THSD7B: variants seen among roughly 807,000 people sequenced by gnomAD.
The protein encoded by THSD7B is thrombospondin type-1 domain-containing protein 7B.
In THSD7B, 138 loss-of-function variants were observed where a neutral mutation model predicts 213.6. The observed-to-expected ratio is 0.65, with a 90% CI of 0.56 to 0.74. The LOEUF is 0.74. Ranked by LOEUF, THSD7B falls within the 30% of genes least tolerant of loss-of-function variation. The pLI is 0.00. For missense variants in THSD7B, 1,931 were observed against 1,991.5 expected, an observed-to-expected ratio of 0.97 and a Z score of 0.58; for synonymous variants, 742 against 687.0, an observed-to-expected ratio of 1.08 and a Z score of -1.25.
At chr2:137,335,664 G>T (rs1177992981) in intron 12 of THSD7B, among the ~76,000 whole-genome samples, 1 of 152,162 alleles carries the variant, frequency 6.6e-6, no homozygotes, top group Admixed American at 6.5e-5. Flanking sequence ...GACAGAGGGG[G>T]TAGTAAGGTG....
chr2:136,791,541 C>T (rs1261671055), intron 1 of THSD7B, among the ~76,000 whole-genome samples: 1 of 151,662 alleles, frequency 6.6e-6, no homozygotes, highest in African/African-American at 2.4e-5. Flanking sequence ...CTCAACTCCA[C>T]TCCCTCCCCC....
chr2:136,825,872 C>A (rs983069010), intron 1 of THSD7B, among the ~76,000 whole-genome samples: 1 of 151,952 alleles, frequency 6.6e-6, no homozygotes, highest in African/African-American at 2.4e-5. Context: ...CTTTTAAGTA[C>A]ACATATGACT....
intron 12 of THSD7B, among the ~76,000 whole-genome samples, chr2:137,317,754 A>G (rs1463751774): frequency 2.0e-5 from 3 of 152,154 alleles, no homozygotes; most frequent in Non-Finnish European, 4.4e-5. Context: ...GTCTCTATAA[A>G]AAATTAAAAA....
At chr2:137,509,066 C>A (rs1679903660) in intron 15 of THSD7B, among the ~76,000 whole-genome samples, 1 of 152,142 alleles carries the variant, frequency 6.6e-6, no homozygotes, top group Non-Finnish European at 1.5e-5. Context: ...GAATCATTCT[C>A]CCTGGCCAAA....
chr2:137,130,088 G>C (rs779329118), intron 5 of THSD7B, among the ~76,000 whole-genome samples: 1 of 152,082 alleles, frequency 6.6e-6, no homozygotes, highest in South Asian at 2.1e-4. Flanking sequence ...CATTGAGAGG[G>C]GATTGCATTG....
At position 137,389,402 on chromosome 2, in the gene THSD7B, A is replaced by ATTTTTTTTT. The variant is rs70978214; in HGVS notation, c.2501-16192_2501-16184dup. On this transcript the variant is annotated intron_variant, in intron 12 of 27. Transcript: ENST00000409968. Reference sequence around the variant, plus strand: ...GATAGTTTGACCACTTCTTAATGTGATTTTTTTTTTTTTTTTTTTTTTTTT... The same window carrying ATTTTTTTTT: ...GATAGTTTGACCACTTCTTAATGTGATTTTTTTTTTTTTTTTTTTTTTTTTTTTTTTTTT... Among the ~76,000 whole-genome samples, 20 of 38,078 alleles carry ATTTTTTTTT rather than the reference A, an allele frequency of 5.3e-4. 1 individual carries two copies. The highest frequency in any genetic ancestry group is 6.1e-4 in the Non-Finnish European group (14 of 22,802). The allele number at this position is 38,078 out of a possible 152,430, so 25.0% of individuals were successfully genotyped here. A position where few individuals can be genotyped will look rare whatever the true frequency, so the allele number is the denominator to read the frequency against.
intron 6 of THSD7B, among the ~76,000 whole-genome samples, chr2:137,162,939 T>C (rs148044230): frequency 9.8e-5 from 15 of 152,312 alleles, no homozygotes; most frequent in Non-Finnish European, 1.6e-4. Context: ...TTTGTGTTTT[T>C]AGTAGAGACG....
At chr2:136,849,894 C>A (rs1248203950) in intron 1 of THSD7B, among the ~76,000 whole-genome samples, 1 of 151,996 alleles carries the variant, frequency 6.6e-6, no homozygotes, top group African/African-American at 2.4e-5. Flanking sequence ...ATATTTGCTT[C>A]AAAAGGTTTT....
chr2:137,291,815 A>G (rs1683346258), intron 12 of THSD7B, among the ~76,000 whole-genome samples: 3 of 152,154 alleles, frequency 2.0e-5, no homozygotes, highest in Admixed American at 6.5e-5. Context: ...TATGAATCAA[A>G]TTTATATAAT....
chr2:137,366,225 A>G (rs954102222), intron 12 of THSD7B, among the ~76,000 whole-genome samples: 1 of 152,054 alleles, frequency 6.6e-6, no homozygotes, highest in East Asian at 1.9e-4. Context: ...GGAACATCAC[A>G]CACTGGAGCC....
chr2:137,066,189 CTT>C (rs70975797), intron 3 of THSD7B, among the ~76,000 whole-genome samples: 193 of 115,702 alleles, frequency 1.7e-3, no homozygotes, highest in African/African-American at 6.6e-3. Context: ...TGAGTTTTCA[CTT>C]TTTTTTTTTT....
At chr2:137,483,209 T>G (rs1265675509) in intron 15 of THSD7B, among the ~76,000 whole-genome samples, 1 of 152,244 alleles carries the variant, frequency 6.6e-6, no homozygotes, top group Non-Finnish European at 1.5e-5. Context: ...GACCAGAATG[T>G]TCTACGTGCA....
chr2:137,304,583 T>G (rs949002527), intron 12 of THSD7B, among the ~76,000 whole-genome samples: 11 of 152,114 alleles, frequency 7.2e-5, no homozygotes, highest in Non-Finnish European at 1.6e-4. Context: ...AGTTACAAAT[T>G]ACACTTGACT....
intron 3 of THSD7B, among the ~76,000 whole-genome samples, chr2:137,080,243 C>G (rs998017057): frequency 1.3e-5 from 2 of 151,858 alleles, no homozygotes; most frequent in Admixed American, 1.3e-4. Context: ...CTTCATCACC[C>G]AGGCTGGGGT....
chr2:136,950,375 A>T (rs1014787319), intron 2 of THSD7B, among the ~76,000 whole-genome samples: 1 of 152,214 alleles, frequency 6.6e-6, no homozygotes, highest in Non-Finnish European at 1.5e-5. Context: ...TGGCACATGT[A>T]TACATATGTA....
chr2:137,298,884 A>T (rs1413111756), intron 12 of THSD7B, among the ~76,000 whole-genome samples: 1 of 152,142 alleles, frequency 6.6e-6, no homozygotes, highest in Admixed American at 6.5e-5. Context: ...CCTCATGGAG[A>T]ACCTCTGCTA....
rs1685727262 is a variant in THSD7B, at chr2:136,989,550, C to G, written c.140-66870C>G. Among the ~76,000 whole-genome samples the G allele has an allele frequency of 2.6e-5, 4 of 152,186 alleles. No individual in the cohort carries two copies. The South Asian group carries it at 8.3e-4, about 31-fold the overall frequency. ...GATGCTGGCACCATGCTTGTATAGC[C>G]TGCAGAAGCATGAGCCAAAGAAGGA... On this transcript the variant is annotated intron_variant, in intron 2 of 27. Transcript: ENST00000409968.
chr2:137,442,997 C>T (rs939560602), intron 14 of THSD7B, among the ~76,000 whole-genome samples: 3 of 152,126 alleles, frequency 2.0e-5, no homozygotes, highest in Non-Finnish European at 2.9e-5. Context: ...GTGATTAAAG[C>T]ATTCAGTCAC....
chr2:136,948,370 C>T (rs998419420), intron 2 of THSD7B, among the ~76,000 whole-genome samples: 2 of 152,070 alleles, frequency 1.3e-5, no homozygotes, highest in African/African-American at 4.8e-5. Flanking sequence ...TTTTACTCTC[C>T]TAGTAGACAA....
Sources: allele counts gnomAD v4.1 joint callset (sites outside exome capture counted in the v4.1 genomes callset), GRCh38; gene constraint gnomAD v4.1.1; transcripts MANE v1.5; gene names NCBI Gene and HGNC (gene_info 2026-07-23, HGNC 2026-07-21).